ANK3: variants seen among roughly 807,000 people sequenced by gnomAD.
ANK3 encodes the protein ankyrin 3, also known as ankyrin-3.
ANK3 carries 57 observed loss-of-function variants against 370.9 expected under a neutral mutation model. The ratio of observed to expected loss-of-function variants is 0.15; its 90% CI spans 0.12 to 0.19. The LOEUF (loss-of-function observed/expected upper bound fraction) is 0.19. Ranked by LOEUF, ANK3 falls within the 10% of genes least tolerant of loss-of-function variation. The pLI is 1.00. For synonymous variants in ANK3, 1,929 were observed against 1,946.3 expected (o/e 0.99, Z 0.23); for missense variants, 4,439 against 5,302.1 (o/e 0.84, Z 5.06).
At chr10:60,356,869 T>C (rs2057828286) in intron 1 of ANK3, among the ~76,000 whole-genome samples, 1 of 152,128 alleles carries the variant, frequency 6.6e-6, no homozygotes, top group South Asian at 2.1e-4. Context: ...CCACCACGCC[T>C]GGCTAATTTT....
chr10:60,312,135 A>T (rs779467379), intron 1 of ANK3, among the ~76,000 whole-genome samples: 1 of 152,242 alleles, frequency 6.6e-6, no homozygotes, highest in Non-Finnish European at 1.5e-5. Context: ...TTGCTAAAGA[A>T]AGATAAACAT....
chr10:60,358,261 A>G (rs1418421690), intron 1 of ANK3, among the ~76,000 whole-genome samples: 1 of 151,990 alleles, frequency 6.6e-6, no homozygotes, highest in Non-Finnish European at 1.5e-5. Flanking sequence ...TCTTTAACCC[A>G]CCTAGCAAGA....
chr10:60,035,100 GTTA>G (rs1217588634), intron 43 of ANK3, among the ~76,000 whole-genome samples: 3 of 152,038 alleles, frequency 2.0e-5, no homozygotes, highest in Non-Finnish European at 2.9e-5. Context: ...TTTTATTACT[GTTA>G]TTATTTTTAT....
chr10:60,043,337 T>C (rs2076432829), intron 42 of ANK3: 3 of 985,188 alleles, frequency 3.0e-6, no homozygotes, highest in Admixed American at 6.2e-5. Flanking sequence ...AGAAAACAAA[T>C]GAAGCCTTTT....
intron 1 of ANK3, among the ~76,000 whole-genome samples, chr10:60,616,476 G>C (rs540575713): frequency 6.6e-6 from 1 of 152,202 alleles, no homozygotes; most frequent in African/African-American, 2.4e-5. Flanking sequence ...CACATATACA[G>C]TATATCTTGC....
intron 2 of ANK3, among the ~76,000 whole-genome samples, chr10:60,552,417 T>A (rs1447159322): frequency 6.6e-6 from 1 of 152,240 alleles, no homozygotes; most frequent in African/African-American, 2.4e-5. Context: ...CAAAATACTT[T>A]TATTACAACA....
intron 1 of ANK3, among the ~76,000 whole-genome samples, chr10:60,649,516 T>C (rs1385494773): frequency 1.3e-5 from 2 of 152,210 alleles, no homozygotes; most frequent in African/African-American, 4.8e-5. Flanking sequence ...AGTGAATTGC[T>C]TCAAAAATGA....
chr10:60,650,170 C>T (rs1037811110), intron 1 of ANK3, among the ~76,000 whole-genome samples: 3 of 152,156 alleles, frequency 2.0e-5, no homozygotes, highest in African/African-American at 7.2e-5. Context: ...TAAACTTATG[C>T]TCTAAGGAAG....
chr10:60,710,151 TAA>T (rs1308328886), intron 1 of ANK3, among the ~76,000 whole-genome samples: 1 of 152,172 alleles, frequency 6.6e-6, no homozygotes, highest in Non-Finnish European at 1.5e-5. Context: ...ATAAGAACTA[TAA>T]GAGAGCACTT....
intron 28 of ANK3, among the ~76,000 whole-genome samples, chr10:60,089,008 GAA>G (rs1275664913): frequency 6.6e-6 from 1 of 151,398 alleles, no homozygotes; most frequent in African/African-American, 2.4e-5. Context: ...TTAGGAAAAA[GAA>G]AAAAAAGTGA....
intron 2 of ANK3, among the ~76,000 whole-genome samples, chr10:60,509,259 A>T (rs2076019649): frequency 6.6e-6 from 1 of 152,134 alleles, no homozygotes; most frequent in Admixed American, 6.6e-5. Flanking sequence ...GCAAAAAAAA[A>T]AGTCAACATA....
At chr10:60,692,365 G>A (rs950407285) in intron 1 of ANK3, among the ~76,000 whole-genome samples, 1 of 152,216 alleles carries the variant, frequency 6.6e-6, no homozygotes, top group African/African-American at 2.4e-5. Flanking sequence ...TGCCTCAAAT[G>A]AGGGTCTTCA....
chr10:60,601,271 G>A (rs1304003717), intron 2 of ANK3, among the ~76,000 whole-genome samples: 1 of 151,156 alleles, frequency 6.6e-6, no homozygotes, highest in African/African-American at 2.4e-5. Context: ...AATATGGGCT[G>A]TACTCACTGC....
rs137946411 is a variant in ANK3, at chr10:60,033,238, G to A, written c.*20-3412C>T. ...AACAGGGCCACGCACGGTGGCTCAC[G>A]TCTGTAATCCCAGCACTTTGGGAGG... On this transcript the variant is annotated intron_variant, in intron 43 of 43. Transcript: ENST00000280772. 4.6e-3 allele frequency among the ~76,000 whole-genome samples: 696 copies of A among 152,054 alleles called. 5 individuals carry two copies. The highest frequency in any genetic ancestry group is 0.016 in the African/African-American group (649 of 41,476).
In ANK3 at chr10:60,389,738, A is replaced by G. The variant is rs2062934515; in HGVS notation, c.-200T>C. The G allele has an allele frequency of 4.9e-6, 7 of 1,417,444 alleles. No homozygotes were observed. Among genetic ancestry groups the G allele is most frequent in the Non-Finnish European group, 6.4e-6 (7 of 1,091,074 alleles). 87.8% of individuals were successfully genotyped at this position (1,417,444 alleles called of 1,614,324 possible). A position where few individuals can be genotyped will look rare whatever the true frequency, so the allele number is the denominator to read the frequency against. On this transcript the variant is annotated 5_prime_UTR_variant, in exon 1 of 44. It removes an upstream start codon present in the reference 5' UTR. Transcript: ENST00000280772. ...ACCCAAATGATGGTGTCCGGACTTC[A>G]TCCTACACCTTCCTCTACCTGAACC...
chr10:60,540,760 C>T (rs1405751181), intron 2 of ANK3, among the ~76,000 whole-genome samples: 1 of 151,904 alleles, frequency 6.6e-6, no homozygotes, highest in Admixed American at 6.6e-5. Flanking sequence ...AGACCTATCA[C>T]CAACATAGCC....
intron 1 of ANK3, among the ~76,000 whole-genome samples, chr10:60,366,519 T>TA (rs1025492268): frequency 6.6e-6 from 1 of 151,954 alleles, no homozygotes; most frequent in African/African-American, 2.4e-5. Context: ...TCACCATGGA[T>TA]ATGTGCCTGA....
At chr10:60,598,585 G>A (rs1365585077) in intron 2 of ANK3, among the ~76,000 whole-genome samples, 3 of 152,186 alleles carry the variant, frequency 2.0e-5, no homozygotes, top group Non-Finnish European at 2.9e-5. Flanking sequence ...AAGTCAAAAT[G>A]TCAAAATTGT....
intron 2 of ANK3, among the ~76,000 whole-genome samples, chr10:60,465,922 G>A (rs2065002388): frequency 6.6e-6 from 1 of 151,402 alleles, no homozygotes; most frequent in African/African-American, 2.4e-5. Flanking sequence ...AAGTAGAGCT[G>A]GAACTACCCT....
Sources: allele counts gnomAD v4.1 joint callset (sites outside exome capture counted in the v4.1 genomes callset), GRCh38; gene constraint gnomAD v4.1.1; transcripts MANE v1.5; gene names NCBI Gene and HGNC (gene_info 2026-07-23, HGNC 2026-07-21).